The following CLVS1 variants were observed in gnomAD, a reference collection of about 807,000 sequenced individuals.
CLVS1 encodes clavesin-1.
A neutral mutation model predicts 33.1 loss-of-function variants in CLVS1; 10 were observed. The observed-to-expected ratio is 0.30, with a 90% CI of 0.19 to 0.51. The LOEUF is 0.51. CLVS1 is among the 20% of genes least tolerant of loss of function. The probability of loss-of-function intolerance (pLI) is 0.97; values close to 1 mark genes in which losing one functional copy is unlikely to be tolerated. For synonymous variants in CLVS1, 163 were observed against 166.1 expected (o/e 0.98, Z 0.14); for missense variants, 343 against 433.4 (o/e 0.79, Z 1.85).
intron 5 of CLVS1, among the ~76,000 whole-genome samples, chr8:61,491,010 G>A (rs1437755577): frequency 6.6e-6 from 1 of 151,584 alleles, no homozygotes; most frequent in Non-Finnish European, 1.5e-5. Context: ...TTTGACTCAT[G>A]AAGCCTAAAT....
intron 2 of CLVS1, among the ~76,000 whole-genome samples, chr8:61,184,410 A>C (rs1807301079): frequency 6.6e-6 from 1 of 152,196 alleles, no homozygotes. Context: ...AAAAAGACCT[A>C]GCCTCACTCA....
the CLVS1 span, among the ~76,000 whole-genome samples, chr8:61,005,730 A>G: frequency 6.6e-6 from 1 of 152,172 alleles, no homozygotes; most frequent in Non-Finnish European, 1.5e-5. Flanking sequence ...AGTCCTTTAA[A>G]ATAAAACTTC....
intron 1 of CLVS1, among the ~76,000 whole-genome samples, chr8:61,129,390 G>A (rs1282140073): frequency 6.6e-6 from 1 of 152,206 alleles, no homozygotes; most frequent in Non-Finnish European, 1.5e-5. Context: ...TGCTACCAGA[G>A]GGATGGTCAG....
chr8:61,475,738 C>T (rs1293612575), intron 5 of CLVS1, among the ~76,000 whole-genome samples: 1 of 152,114 alleles, frequency 6.6e-6, no homozygotes, highest in Non-Finnish European at 1.5e-5. Flanking sequence ...TTCTCCCATT[C>T]TGTAGGTTGC....
intron 2 of CLVS1, among the ~76,000 whole-genome samples, chr8:61,282,017 T>C (rs893869753): frequency 6.6e-6 from 1 of 152,194 alleles, no homozygotes; most frequent in Non-Finnish European, 1.5e-5. Context: ...ATTATAATCA[T>C]GTCACCTCCA....
At chr8:60,995,850 AT>A in the CLVS1 span, among the ~76,000 whole-genome samples, 347 of 152,382 alleles carry the variant, frequency 2.3e-3, 7 homozygotes, top group Non-Finnish European at 5.4e-4. Context: ...TGATGAGTTC[AT>A]GTCCTTTGCA....
intron 2 of CLVS1, among the ~76,000 whole-genome samples, chr8:61,212,000 T>C (rs1807979625): frequency 6.6e-6 from 1 of 152,170 alleles, no homozygotes; most frequent in South Asian, 2.1e-4. Context: ...CTCGATCCTC[T>C]GGGGGGAGTA....
chr8:61,232,676 A>C (rs1244702771), intron 2 of CLVS1, among the ~76,000 whole-genome samples: 1 of 152,212 alleles, frequency 6.6e-6, no homozygotes, highest in Non-Finnish European at 1.5e-5. Flanking sequence ...CTAGAAACTT[A>C]CTGAACAACT....
intron 3 of CLVS1, among the ~76,000 whole-genome samples, chr8:61,424,962 A>G (rs1815824502): frequency 6.6e-6 from 1 of 152,232 alleles, no homozygotes; most frequent in Non-Finnish European, 1.5e-5. Flanking sequence ...TGCTCAAAGT[A>G]TATGCTCATT....
At chr8:61,246,166 A>ATTTTTTTTT (rs1808803030) in intron 2 of CLVS1, among the ~76,000 whole-genome samples, 1 of 82,420 alleles carries the variant, frequency 1.2e-5, no homozygotes, top group African/African-American at 3.8e-5. Flanking sequence ...TTCCTTCCCA[A>ATTTTTTTTT]CTTTTTTTTT....
intron 1 of CLVS1, among the ~76,000 whole-genome samples, chr8:61,118,943 C>T (rs934544703): frequency 5.9e-5 from 9 of 151,982 alleles, no homozygotes; most frequent in East Asian, 1.9e-4. Context: ...CTTTCTGTCT[C>T]GTTGATCTGT....
At chr8:61,017,419 G>C in the CLVS1 span, among the ~76,000 whole-genome samples, 1 of 152,228 alleles carries the variant, frequency 6.6e-6, no homozygotes, top group African/African-American at 2.4e-5. Flanking sequence ...AAGAAGCCGG[G>C]TGCGTTCTGC....
intron 2 of CLVS1, among the ~76,000 whole-genome samples, chr8:61,302,074 T>A (rs967250480): frequency 1.1e-4 from 16 of 152,172 alleles, no homozygotes; most frequent in Non-Finnish European, 2.2e-4. Flanking sequence ...CTTCCTCATG[T>A]CACTACTCTT....
At chr8:61,358,948 T>C (rs1360646500) in intron 2 of CLVS1, among the ~76,000 whole-genome samples, 2 of 152,242 alleles carry the variant, frequency 1.3e-5, no homozygotes, top group Non-Finnish European at 2.9e-5. Flanking sequence ...CATATTTTCA[T>C]GCTGCCTTGA....
At chr8:61,193,682 A>T (rs1807543340) in intron 2 of CLVS1, among the ~76,000 whole-genome samples, 1 of 151,970 alleles carries the variant, frequency 6.6e-6, no homozygotes, top group African/African-American at 2.4e-5. Context: ...ATGAAGGTAA[A>T]ATAATGTCAT....
chr8:61,386,119 G>C (rs1249680461), intron 3 of CLVS1, among the ~76,000 whole-genome samples: 1 of 152,202 alleles, frequency 6.6e-6, no homozygotes, highest in Admixed American at 6.5e-5. Context: ...AGCAAGAACT[G>C]AGGGGATTGG....
chr8:61,466,503 T>C (rs1245686714), intron 5 of CLVS1, among the ~76,000 whole-genome samples: 2 of 152,228 alleles, frequency 1.3e-5, no homozygotes, highest in African/African-American at 2.4e-5. Context: ...GCCGGAAATT[T>C]CTGCCAGGAA....
chr8:61,069,862 C>T (rs943620515), intron 1 of CLVS1, among the ~76,000 whole-genome samples: 4 of 152,250 alleles, frequency 2.6e-5, no homozygotes, highest in East Asian at 3.9e-4. Context: ...GCGATCTTGG[C>T]TTACTATAGC....
intron 2 of CLVS1, among the ~76,000 whole-genome samples, chr8:61,326,824 A>T (rs575697166): frequency 2.5e-4 from 38 of 152,314 alleles, no homozygotes; most frequent in African/African-American, 8.2e-4. Flanking sequence ...GATGTTCTAT[A>T]TGAAATAGAC....
Sources: gnomAD v4.1 joint callset for allele counts (sites outside exome capture counted in the v4.1 genomes callset) on GRCh38, gnomAD v4.1.1 for gene constraint, MANE v1.5 for transcripts, NCBI Gene and HGNC (gene_info 2026-07-23, HGNC 2026-07-21) for gene names.